LSAMP: variants seen among roughly 807,000 people sequenced by gnomAD.
LSAMP encodes the protein limbic system-associated membrane protein.
In LSAMP, 7 loss-of-function variants were observed where a neutral mutation model predicts 38.6. That is an observed-to-expected ratio of 0.18 (90% CI 0.10 to 0.34). The LOEUF (loss-of-function observed/expected upper bound fraction) is 0.34. LSAMP is among the 10% of genes least tolerant of loss of function. The pLI is 1.00. For synonymous variants in LSAMP, 154 were observed against 166.8 expected (o/e 0.92, Z 0.59); for missense variants, 313 against 420.0 (o/e 0.75, Z 2.23).
intron 3 of LSAMP, among the ~76,000 whole-genome samples, chr3:115,873,215 C>G (rs1323366969): frequency 6.6e-6 from 1 of 151,702 alleles, no homozygotes; most frequent in Non-Finnish European, 1.5e-5. Context: ...ACCAAAAATA[C>G]AAAAATTAAC....
chr3:116,103,032 G>T (rs950835395), intron 1 of LSAMP, among the ~76,000 whole-genome samples: 1 of 152,036 alleles, frequency 6.6e-6, no homozygotes, highest in African/African-American at 2.4e-5. Context: ...ACTAAAGGAA[G>T]TTGCTGCTGT....
At chr3:115,862,431 C>T (rs886940916) in intron 3 of LSAMP, among the ~76,000 whole-genome samples, 4 of 152,164 alleles carry the variant, frequency 2.6e-5, no homozygotes, top group African/African-American at 7.2e-5. Flanking sequence ...AGCCCTTCAC[C>T]CTTTCTTAAC....
chr3:116,386,415 T>A (rs1559849670), intron 1 of LSAMP, among the ~76,000 whole-genome samples: 1 of 152,128 alleles, frequency 6.6e-6, no homozygotes, highest in Non-Finnish European at 1.5e-5. Context: ...ACATTGCCAG[T>A]CTTACTGCTC....
intron 3 of LSAMP, among the ~76,000 whole-genome samples, chr3:115,867,044 T>C (rs1343429044): frequency 6.6e-6 from 1 of 151,990 alleles, no homozygotes; most frequent in African/African-American, 2.4e-5. Context: ...AAATTCATTT[T>C]ACACAATGCT....
chr3:116,078,909 A>G (rs9850882), intron 2 of LSAMP, among the ~76,000 whole-genome samples: 10,777 of 152,154 alleles, frequency 0.071, 1,277 homozygotes, highest in African/African-American at 0.24. Flanking sequence ...TTTTAAAACC[A>G]ACATGAAGAT....
chr3:116,444,768 C>G (rs2049482656), intron 1 of LSAMP, 109 bp downstream of exon 1: 1 of 1,380,122 alleles, frequency 7.2e-7, no homozygotes, highest in Non-Finnish European at 1.0e-6. Context: ...GCATCAGGAG[C>G]TGGAGTTCAA....
chr3:116,213,245 T>C (rs951554399), intron 1 of LSAMP, among the ~76,000 whole-genome samples: 1 of 152,242 alleles, frequency 6.6e-6, no homozygotes, highest in Non-Finnish European at 1.5e-5. Context: ...AATGCCCATA[T>C]GTTGTAGGAG....
intron 1 of LSAMP, among the ~76,000 whole-genome samples, chr3:116,202,544 G>A (rs376057023): frequency 6.6e-6 from 1 of 151,892 alleles, no homozygotes; most frequent in Non-Finnish European, 1.5e-5. Context: ...ACCCAGGCTC[G>A]AATTATTGTT....
chr3:115,974,534 C>T (rs1939123160), intron 3 of LSAMP, among the ~76,000 whole-genome samples: 2 of 151,892 alleles, frequency 1.3e-5, no homozygotes. Context: ...AATAGGTTCT[C>T]AGGAGGTTTA....
intron 1 of LSAMP, among the ~76,000 whole-genome samples, chr3:116,352,469 A>G (rs1470138626): frequency 6.6e-6 from 1 of 152,034 alleles, no homozygotes; most frequent in Non-Finnish European, 1.5e-5. Context: ...GAACTGAGGA[A>G]AGGCAAGCCA....
rs1369360379 is a variant in LSAMP, at chr3:116,232,701, T to TTC, written c.156-146146_156-146145insGA. On this transcript the variant is annotated intron_variant, in intron 1 of 6. Transcript: ENST00000490035. ...AATTTTCTTTTCTTTCTTTCTTTCT[T>TTC]TTTTTTTTTTTTTTTCCAGCAGGTA... 1.7e-3 allele frequency among the ~76,000 whole-genome samples: 215 copies of TTC among 126,498 alleles called. 1 individual carries two copies. The highest frequency in any genetic ancestry group is 8.0e-3 in the African/African-American group (205 of 25,620). 83.0% of individuals were successfully genotyped at this position (126,498 alleles called of 152,430 possible). A position where few individuals can be genotyped will look rare whatever the true frequency, so the allele number is the denominator to read the frequency against.
At chr3:116,382,060 G>A (rs1165800885) in intron 1 of LSAMP, among the ~76,000 whole-genome samples, 1 of 151,988 alleles carries the variant, frequency 6.6e-6, no homozygotes, top group Non-Finnish European at 1.5e-5. Context: ...TTACACTTTT[G>A]GTTCAATAGT....
Position 115,808,209 on chromosome 3 carries a change from C to CT in LSAMP, c.*2107dup. 7.1e-6 allele frequency: 1 copy of CT among 141,740 alleles called. No individual in the cohort carries two copies. Among genetic ancestry groups the CT allele is most frequent in the Non-Finnish European group, 1.5e-5 (1 of 65,670 alleles). The allele number at this position is 141,740 out of a possible 1,614,324, so 8.8% of individuals were successfully genotyped here. A position where few individuals can be genotyped will look rare whatever the true frequency, so the allele number is the denominator to read the frequency against. ...CCTTCCTTCCTTCCTTCTTTCCTTT[C>CT]TTTTTTTCCAGTTACAAAGTTTCTC... On this transcript the variant is annotated 3_prime_UTR_variant, in exon 7 of 7. Coordinates refer to ENST00000490035, the MANE Select transcript of LSAMP (RefSeq NM_002338.5).
At chr3:116,276,217 TAAAAC>T (rs143534067) in intron 1 of LSAMP, among the ~76,000 whole-genome samples, 4,694 of 152,210 alleles carry the variant, frequency 0.031, 242 homozygotes, top group African/African-American at 0.1. Flanking sequence ...GGATTGGAAA[TAAAAC>T]AAATGAACCC....
In LSAMP at chr3:116,296,653, C is replaced by T. The variant is rs1417656023; in HGVS notation, c.155+148224G>A. On this transcript the variant is annotated intron_variant, in intron 1 of 6. Transcript: ENST00000490035. ...GAGCTTGCAGTGAGCCCAGATTGCG[C>T]CACTGCACGCCAGCCTGGGCGACAG... 2.1e-5 allele frequency among the ~76,000 whole-genome samples: 3 copies of T among 140,984 alleles called. No homozygotes were observed. The East Asian group carries it at 6.6e-4, about 31-fold the overall frequency. 92.5% of individuals were successfully genotyped at this position (140,984 alleles called of 152,430 possible). A position where few individuals can be genotyped will look rare whatever the true frequency, so the allele number is the denominator to read the frequency against.
chr3:115,995,681 T>A (rs1463960782), intron 3 of LSAMP, among the ~76,000 whole-genome samples: 2 of 152,028 alleles, frequency 1.3e-5, no homozygotes, highest in Non-Finnish European at 2.9e-5. Context: ...TGAGAAGATA[T>A]ATGTTTTAGT....
rs1933565542 is a variant in LSAMP, at chr3:115,803,575, T to C, written c.*6742A>G. The C allele has an allele frequency of 6.6e-6, 1 of 152,266 alleles. No individual in the cohort carries two copies. The highest frequency in any genetic ancestry group is 2.1e-4 in the South Asian group (1 of 4,834). The allele number at this position is 152,266 out of a possible 1,614,324, so 9.4% of individuals were successfully genotyped here. ...TTTTGGCCTTCACAACAATTCATACTGTCTTCAACTCTGTAACCTCCTAAA... is the reference window on the plus strand; with the variant it reads ...TTTTGGCCTTCACAACAATTCATACCGTCTTCAACTCTGTAACCTCCTAAA... On this transcript the variant is annotated 3_prime_UTR_variant, in exon 7 of 7. Coordinates refer to ENST00000490035, the MANE Select transcript of LSAMP (RefSeq NM_002338.5).
chr3:115,824,084 A>G (rs563377309), intron 6 of LSAMP, among the ~76,000 whole-genome samples: 1 of 152,318 alleles, frequency 6.6e-6, no homozygotes, highest in Non-Finnish European at 1.5e-5. Context: ...TTTCTTATTT[A>G]GCCTGAGAGG....
intron 1 of LSAMP, among the ~76,000 whole-genome samples, chr3:116,197,635 C>T (rs988963067): frequency 1.8e-4 from 28 of 152,202 alleles, no homozygotes; most frequent in African/African-American, 6.7e-4. Context: ...AATCTTAATT[C>T]TTCTATTTCA....
Sources: gnomAD v4.1 joint callset for allele counts (sites outside exome capture counted in the v4.1 genomes callset) on GRCh38, gnomAD v4.1.1 for gene constraint, MANE v1.5 for transcripts, NCBI Gene and HGNC (gene_info 2026-07-23, HGNC 2026-07-21) for gene names.